The following HEATR3 variants were observed in gnomAD, a reference collection of about 807,000 sequenced individuals.
HEATR3 encodes HEAT repeat containing 3.
Under a neutral mutation model 72.8 loss-of-function variants are expected in HEATR3, and 56 were observed. That is an observed-to-expected ratio of 0.77 (90% confidence interval 0.62 to 0.96). The LOEUF is 0.96. Among genes scored for constraint, HEATR3 ranks in the 40% least tolerant of loss-of-function variants. The probability of loss-of-function intolerance (pLI) is 0.00; values close to 1 mark genes in which losing one functional copy is unlikely to be tolerated. For synonymous variants in HEATR3, 331 were observed against 318.1 expected, an observed-to-expected ratio of 1.04 and a Z score of -0.43; for missense variants, 747 against 831.4, an observed-to-expected ratio of 0.90 and a Z score of 1.25.
At chr16:50,087,590 A>G (rs1567438917) in intron 11 of HEATR3, among the ~76,000 whole-genome samples, 1 of 151,624 alleles carries the variant, frequency 6.6e-6, no homozygotes, top group African/African-American at 2.4e-5. Flanking sequence ...CTGAAGGAAA[A>G]CTCTCCACAT....
rs1290732549 is a variant in HEATR3 at position 50,065,988 on chromosome 16, C to A, written c.-144C>A. The A allele has an allele frequency of 1.1e-5, 7 of 635,450 alleles. No individual in the cohort carries two copies. The highest frequency in any genetic ancestry group is 7.9e-5 in the African/African-American group (4 of 50,906). 39.4% of individuals were successfully genotyped at this position (635,450 alleles called of 1,614,324 possible). A position where few individuals can be genotyped will look rare whatever the true frequency, so the allele number is the denominator to read the frequency against. ...ACCCGGCAGACGACGCGCCGTGCGC[C>A]TGCGCACGGCTTGCCCATGTGTGCT... On this transcript the variant is annotated 5_prime_UTR_variant, in exon 1 of 15. It adds an upstream start codon to the 5' untranslated region. Coordinates refer to ENST00000299192, the MANE Select transcript of HEATR3 (RefSeq NM_182922.4).
intron 14 of HEATR3, 23 bp downstream of exon 14, chr16:50,102,458 A>G: frequency 6.2e-7 from 1 of 1,603,754 alleles, no homozygotes. Flanking sequence ...TTAACTTATA[A>G]ATACATAAGT....
chr16:50,078,324 G>A (rs1017056995), intron 6 of HEATR3, among the ~76,000 whole-genome samples: 11 of 152,094 alleles, frequency 7.2e-5, no homozygotes, highest in Non-Finnish European at 1.6e-4. Context: ...AAAAAATTAA[G>A]AACCTACTCT....
At chr16:50,066,639 C>T in intron 2 of HEATR3, 100 bp downstream of exon 2, 1 of 1,062,826 alleles carries the variant, frequency 9.4e-7, no homozygotes, top group Non-Finnish European at 1.2e-6. Context: ...TGTGTGCCAT[C>T]AGGCACTGGC....
chr16:50,081,211 G>T (rs1446171731), intron 7 of HEATR3, among the ~76,000 whole-genome samples: 2 of 152,188 alleles, frequency 1.3e-5, no homozygotes, highest in Admixed American at 1.3e-4. Context: ...AGGCTGAGGT[G>T]GGCAAATTGC....
Position 50,068,870 on chromosome 16 carries a change from AT to A in HEATR3, c.399+4del, listed in dbSNP as rs1567423705. On this transcript the variant is annotated splice_donor_region_variant and intron_variant, in intron 3 of 14. Transcript: ENST00000299192. Reference sequence around the variant, plus strand: ...CTCTGGTTGCGCTGCTAAAAGAGGTATGCAGTTTTTACAGTATCTTGATGGT... The same window carrying A: ...CTCTGGTTGCGCTGCTAAAAGAGGTAGCAGTTTTTACAGTATCTTGATGGT... The A allele has an allele frequency of 2.5e-6, 4 of 1,609,904 alleles. No individual in the cohort carries two copies. The highest frequency in any genetic ancestry group is 3.4e-6 in the Non-Finnish European group (4 of 1,176,592).
At chr16:50,069,832 AT>A (rs1258995928) in intron 3 of HEATR3, among the ~76,000 whole-genome samples, 1 of 152,082 alleles carries the variant, frequency 6.6e-6, no homozygotes, top group African/African-American at 2.4e-5. Context: ...GCAGCTGGAG[AT>A]TGGGGATAAT....
chr16:50,072,627 T>A lies in HEATR3; in HGVS notation c.535T>A (p.Ser179Thr). 6.2e-7 allele frequency: 1 copy of A among 1,609,144 alleles called. No homozygotes were observed. Among genetic ancestry groups the A allele is most frequent in the Non-Finnish European group, 8.5e-7 (1 of 1,175,614 alleles). Residue 179 changes from serine (S) to threonine (T), a missense_variant, in exon 5 of 15, where the codon TCT becomes ACT. Ser to Thr is a moderately conservative substitution (Grantham distance 58, BLOSUM62 1). Transcript: ENST00000299192. ...NICECSSRAV[S>T]IFNKEGCLEI... ...TAGTGAATGCAGTAGTAGAGCAGTG[T>A]CTATATTCAACAAAGAAGGGTGTTT...
At chr16:50,079,353 C>CGT in intron 7 of HEATR3, among the ~76,000 whole-genome samples, 1 of 152,214 alleles carries the variant, frequency 6.6e-6, no homozygotes, top group African/African-American at 2.4e-5. Context: ...GCCAGACTGT[C>CGT]TTCAAACTAA....
At chr16:50,095,361 C>T (rs2037210456) in intron 12 of HEATR3, among the ~76,000 whole-genome samples, 1 of 150,490 alleles carries the variant, frequency 6.6e-6, no homozygotes, top group Non-Finnish European at 1.5e-5. Context: ...CCCACCTTGG[C>T]CTCCTAAAGT....
rs1252040351 is a variant in HEATR3, at chr16:50,094,767, A to T, written c.1573A>T (p.Thr525Ser). Residue 525 changes from threonine (T) to serine (S), a missense_variant, in exon 12 of 15, where the codon ACA (threonine) becomes TCA (serine). Around this residue, in one of 2 missense-constraint regions of HEATR3, gnomAD observed 586 missense variants for 708.8 expected, o/e 0.83. Transcript: ENST00000299192. ...ISSALRALLQ[T>S]MASKNISQCM... is the part of the protein sequence containing the mutation. ...TAGTGCTTTGAGGGCCCTTTTGCAA[A>T]CAATGGCCTCCAAGAACATTTCCCA... The T allele has an allele frequency of 6.3e-7, 1 of 1,597,746 alleles. No individual in the cohort carries two copies.
intron 14 of HEATR3, among the ~76,000 whole-genome samples, chr16:50,103,139 T>C (rs1567451084): frequency 2.0e-5 from 3 of 152,144 alleles, no homozygotes; most frequent in Admixed American, 6.6e-5. Context: ...TATCCCCTAT[T>C]TCCCTGCAGC....
intron 12 of HEATR3, 146 bp from the exon 13 acceptor site, chr16:50,100,084 A>G: frequency 1.6e-6 from 1 of 612,032 alleles, no homozygotes; most frequent in South Asian, 2.3e-5. Flanking sequence ...TGGAATACAT[A>G]TTAATAGTAA....
At chr16:50,097,121 T>C (rs2037256835) in intron 12 of HEATR3, among the ~76,000 whole-genome samples, 1 of 152,078 alleles carries the variant, frequency 6.6e-6, no homozygotes, top group African/African-American at 2.4e-5. Flanking sequence ...GTCCAGATTT[T>C]TTGGCAAGAA....
intron 11 of HEATR3, among the ~76,000 whole-genome samples, chr16:50,088,372 A>C (rs1415103143): frequency 6.6e-6 from 1 of 152,192 alleles, no homozygotes; most frequent in African/African-American, 2.4e-5. Context: ...AACATTGATC[A>C]GTTAACAGGT....
At chr16:50,067,795 C>T (rs2036531759) in intron 2 of HEATR3, among the ~76,000 whole-genome samples, 1 of 152,110 alleles carries the variant, frequency 6.6e-6, no homozygotes, top group South Asian at 2.1e-4. Context: ...TATAAAGTGC[C>T]AACTGTGTGC....
At chr16:50,097,498 T>A (rs903738094) in intron 12 of HEATR3, among the ~76,000 whole-genome samples, 2 of 152,066 alleles carry the variant, frequency 1.3e-5, no homozygotes, top group Non-Finnish European at 2.9e-5. Context: ...CATCCCATCT[T>A]TGGATAGTAG....
chr16:50,098,886 C>T (rs986047556), intron 12 of HEATR3, among the ~76,000 whole-genome samples: 1 of 152,046 alleles, frequency 6.6e-6, no homozygotes. Flanking sequence ...ACGGAATGTA[C>T]TTAATAGTAT....
In HEATR3 at chr16:50,086,269, C is replaced by T. The variant is rs565442164; in HGVS notation, c.1428C>T (p.Leu476=). The change falls in exon 11 of 15, where the codon CTC becomes CTT. Residue 476 remains leucine, a synonymous_variant. Transcript: ENST00000299192. The part of the protein sequence containing the change: ...ALFCLQSLVS[L]LDVEHLGGAA... ...TCTGTCTCCAGAGTCTTGTGTCCCT[C>T]CTGGATGTGGAGCACCTGGGAGGAG... The T allele has an allele frequency of 6.9e-6, 11 of 1,584,430 alleles. No individual in the cohort carries two copies. The highest frequency in any genetic ancestry group is 9.4e-6 in the Non-Finnish European group (11 of 1,164,186).
Sources: gnomAD v4.1 joint callset for allele counts (sites outside exome capture counted in the v4.1 genomes callset) on GRCh38, gnomAD v4.1.1 for gene constraint, gnomAD v4.1.1 regional missense constraint, MANE v1.5 for transcripts, NCBI Gene and HGNC (gene_info 2026-07-23, HGNC 2026-07-21) for gene names.